TMEM117: variants seen among roughly 807,000 people sequenced by gnomAD.
The protein encoded by TMEM117 is transmembrane protein 117.
TMEM117 carries 27 observed loss-of-function variants against 52.4 expected under a neutral mutation model. The ratio of observed to expected loss-of-function variants is 0.51; its 90% CI spans 0.38 to 0.71. The LOEUF (loss-of-function observed/expected upper bound fraction) is 0.71. Among genes scored for constraint, TMEM117 ranks in the 30% least tolerant of loss-of-function variants. The pLI, the probability that TMEM117 is intolerant of heterozygous loss-of-function variation, is 0.00. For missense variants in TMEM117, 556 were observed against 630.5 expected, an observed-to-expected ratio of 0.88 and a Z score of 1.26; for synonymous variants, 215 against 206.3, an observed-to-expected ratio of 1.04 and a Z score of -0.36.
chr12:43,840,346 C>T (rs560864609), intron 1 of TMEM117, among the ~76,000 whole-genome samples: 1 of 152,266 alleles, frequency 6.6e-6, no homozygotes, highest in South Asian at 2.1e-4. Context: ...TTGTAAAGCT[C>T]ATCAGCATAG....
At chr12:44,075,994 G>GTTCCCTATTAGGGGAC (rs1947375885) in intron 3 of TMEM117, among the ~76,000 whole-genome samples, 1 of 152,200 alleles carries the variant, frequency 6.6e-6, no homozygotes, top group Non-Finnish European at 1.5e-5. Context: ...TGGGGCCAAA[G>GTTCCCTATTAGGGGAC]TTCCCTATTA....
At chr12:44,157,114 T>C (rs1056816688) in intron 4 of TMEM117, among the ~76,000 whole-genome samples, 1 of 152,158 alleles carries the variant, frequency 6.6e-6, no homozygotes, top group African/African-American at 2.4e-5. Flanking sequence ...TGAAGAACAA[T>C]CCTTTTATAA....
In TMEM117 at chr12:43,905,344, C is replaced by T. The variant is rs114139362; in HGVS notation, c.278-38866C>T. On this transcript the variant is annotated intron_variant, in intron 2 of 7. Transcript: ENST00000266534. ...TTCATTCTCTTATTCCCAGTATGCA[C>T]TCATCTGCATTTTCTAGGCACTCAG... Among the ~76,000 whole-genome samples, 1,162 of 152,192 alleles carry T rather than the reference C, an allele frequency of 7.6e-3. 12 individuals are homozygous for T. The highest frequency in any genetic ancestry group is 0.025 in the African/African-American group (1,058 of 41,500).
At chr12:43,952,831 A>C (rs775833267) in intron 3 of TMEM117, among the ~76,000 whole-genome samples, 2 of 152,122 alleles carry the variant, frequency 1.3e-5, no homozygotes, top group African/African-American at 2.4e-5. Flanking sequence ...CTACTCCAAG[A>C]CACGTAATCA....
intron 6 of TMEM117, among the ~76,000 whole-genome samples, chr12:44,334,246 A>G (rs931112276): frequency 6.6e-6 from 1 of 152,088 alleles, no homozygotes; most frequent in African/African-American, 2.4e-5. Context: ...ATAAAATTGT[A>G]TCTGCTGTGG....
chr12:43,829,382 T>C, the TMEM117 span, among the ~76,000 whole-genome samples: 5 of 152,184 alleles, frequency 3.3e-5, no homozygotes, highest in Non-Finnish European at 2.9e-5. Context: ...ATAGACACAA[T>C]GTATTTATAT....
At chr12:44,180,352 CT>C (rs112698806) in intron 4 of TMEM117, among the ~76,000 whole-genome samples, 40,563 of 145,866 alleles carry the variant, frequency 0.28, 8,511 homozygotes, top group African/African-American at 0.6. Flanking sequence ...TACCTGACAT[CT>C]TTTTTTTTTT....
intron 5 of TMEM117, among the ~76,000 whole-genome samples, chr12:44,251,797 G>A (rs576947740): frequency 1.3e-5 from 2 of 152,064 alleles, no homozygotes; most frequent in South Asian, 4.2e-4. Flanking sequence ...AAATTTCAGA[G>A]GCCACAAAGA....
chr12:43,966,666 TAAG>T (rs937861508), intron 3 of TMEM117, among the ~76,000 whole-genome samples: 2 of 152,180 alleles, frequency 1.3e-5, no homozygotes, highest in African/African-American at 2.4e-5. Context: ...GAAATTATTT[TAAG>T]ATAAAAGCTC....
chr12:43,803,909 C>A, the TMEM117 span, among the ~76,000 whole-genome samples: 2 of 152,042 alleles, frequency 1.3e-5, no homozygotes, highest in Non-Finnish European at 2.9e-5. Context: ...GTACCTATAA[C>A]AATAATTGTT....
At chr12:44,197,137 A>G (rs772065723) in intron 4 of TMEM117, among the ~76,000 whole-genome samples, 1 of 152,162 alleles carries the variant, frequency 6.6e-6, no homozygotes, top group African/African-American at 2.4e-5. Context: ...TAGGCATTTC[A>G]TTTAGAAAAC....
At chr12:43,929,144 G>C in intron 2 of TMEM117, among the ~76,000 whole-genome samples, 1 of 151,976 alleles carries the variant, frequency 6.6e-6, no homozygotes, top group Non-Finnish European at 1.5e-5. Flanking sequence ...GGTATTTCTA[G>C]TTCTAGATCC....
the TMEM117 span, among the ~76,000 whole-genome samples, chr12:44,398,777 AT>A: frequency 6.6e-6 from 1 of 152,248 alleles, no homozygotes; most frequent in Non-Finnish European, 1.5e-5. Flanking sequence ...ATGCCAAAGA[AT>A]AATGCTTTGC....
intron 2 of TMEM117, among the ~76,000 whole-genome samples, chr12:43,852,944 G>A (rs1230025728): frequency 6.6e-6 from 1 of 152,192 alleles, no homozygotes; most frequent in Non-Finnish European, 1.5e-5. Context: ...TGTATTCATT[G>A]AAGGTATTAC....
At chr12:44,117,521 G>A (rs1218582059) in intron 3 of TMEM117, among the ~76,000 whole-genome samples, 1 of 152,064 alleles carries the variant, frequency 6.6e-6, no homozygotes, top group Non-Finnish European at 1.5e-5. Context: ...ACATGCCCTT[G>A]GCACAGTTCC....
chr12:44,012,664 C>T (rs1946312725), intron 3 of TMEM117, among the ~76,000 whole-genome samples: 1 of 152,060 alleles, frequency 6.6e-6, no homozygotes, highest in Non-Finnish European at 1.5e-5. Flanking sequence ...TAAAAAAAAT[C>T]CTTTCTTAGA....
chr12:44,114,131 C>T lies in TMEM117; in HGVS notation c.411-29394C>T, dbSNP rs376668156. ...CTGGCACTCCCTAGTGAGATGAACC[C>T]GGTACCTCAGATGGAAATGCAGTAA... On this transcript the variant is annotated intron_variant, in intron 3 of 7. Transcript: ENST00000266534. Among the ~76,000 whole-genome samples the T allele has an allele frequency of 1.6e-3, 243 of 151,098 alleles. 2 individuals are homozygous for T. The East Asian group carries it at 0.037, about 23-fold the overall frequency.
chr12:43,831,196 A>G (rs552690583), upstream of TMEM117, among the ~76,000 whole-genome samples: 1 of 152,302 alleles, frequency 6.6e-6, no homozygotes, highest in East Asian at 1.9e-4. Context: ...GCAATAAGGA[A>G]ATTATGCTGT....
chr12:44,279,515 C>CTTTTT lies in TMEM117; in HGVS notation c.609-20053_609-20049dup, dbSNP rs769225066. Among the ~76,000 whole-genome samples, 277 of 137,246 alleles carry CTTTTT rather than the reference C, an allele frequency of 2.0e-3. 8 individuals carry two copies. The South Asian group carries it at 0.029, about 15-fold the overall frequency. The allele number at this position is 137,246 out of a possible 152,430, so 90.0% of individuals were successfully genotyped here. On this transcript the variant is annotated intron_variant, in intron 5 of 7. Coordinates refer to ENST00000266534, the MANE Select transcript of TMEM117 (RefSeq NM_032256.3). ...GTTTGCAATTTTCTTTTCTTTTCTT[C>CTTTTT]TTTTTTTTTTTTTTTTGAGATGGAG...
Sources: gnomAD v4.1 joint callset for allele counts (sites outside exome capture counted in the v4.1 genomes callset) on GRCh38, gnomAD v4.1.1 for gene constraint, MANE v1.5 for transcripts, NCBI Gene and HGNC (gene_info 2026-07-23, HGNC 2026-07-21) for gene names.